CLSTN1: variants seen among roughly 807,000 people sequenced by gnomAD.
The protein encoded by CLSTN1 is calsyntenin-1.
Under a neutral mutation model 108.3 loss-of-function variants are expected in CLSTN1, and 28 were observed. The observed-to-expected ratio is 0.26, with a 90% confidence interval of 0.19 to 0.35. The LOEUF is 0.35. CLSTN1 is among the 10% of genes least tolerant of loss of function. The probability of loss-of-function intolerance (pLI) is 1.00; values close to 1 mark genes in which losing one functional copy is unlikely to be tolerated. For synonymous variants in CLSTN1, 524 were observed against 534.9 expected, an observed-to-expected ratio of 0.98 and a Z score of 0.28; for missense variants, 1,157 against 1,302.6, an observed-to-expected ratio of 0.89 and a Z score of 1.72.
chr1:9,734,855 A>G lies in CLSTN1; in HGVS notation c.2110+93T>C. Reference sequence around the variant, plus strand: ...CCAACGAAAGATTAAAACCTCCCCAAATCCCACAGAGACAAAGAGCCCCGC... The same window carrying G: ...CCAACGAAAGATTAAAACCTCCCCAGATCCCACAGAGACAAAGAGCCCCGC... On this transcript the variant is annotated intron_variant, in intron 14 of 18. Coordinates refer to ENST00000377298, the MANE Select transcript of CLSTN1 (RefSeq NM_001009566.3). This position sits in a 1 kb window ranked among gnomAD's most constrained non-coding sequence, Gnocchi z 4.8. 9.2e-7 allele frequency: 1 copy of G among 1,092,876 alleles called. No individual in the cohort carries two copies. The highest frequency in any genetic ancestry group is 1.4e-6 in the Non-Finnish European group (1 of 729,904). The allele number at this position is 1,092,876 out of a possible 1,614,324, so 67.7% of individuals were successfully genotyped here. A position where few individuals can be genotyped will look rare whatever the true frequency, so the allele number is the denominator to read the frequency against.
intron 1 of CLSTN1, among the ~76,000 whole-genome samples, chr1:9,800,617 C>CT (rs1654221360): frequency 6.7e-6 from 1 of 149,740 alleles, no homozygotes. Flanking sequence ...GTAGTCCCAG[C>CT]TACTCAGGAG....
intron 11 of CLSTN1, among the ~76,000 whole-genome samples, chr1:9,736,894 G>A (rs1474525242): frequency 1.7e-4 from 26 of 152,176 alleles, no homozygotes; most frequent in African/African-American, 6.3e-4. Flanking sequence ...CGAACATGGC[G>A]AAACCCCGTC....
At chr1:9,820,290 C>G (rs191626639) in intron 1 of CLSTN1, among the ~76,000 whole-genome samples, 5 of 152,230 alleles carry the variant, frequency 3.3e-5, no homozygotes, top group Non-Finnish European at 5.9e-5. Context: ...GAGGCAGAGG[C>G]AGGCGGATCA....
At chr1:9,816,782 G>A (rs868084648) in intron 1 of CLSTN1, among the ~76,000 whole-genome samples, 17 of 152,300 alleles carry the variant, frequency 1.1e-4, no homozygotes, top group African/African-American at 4.1e-4. Flanking sequence ...AAGTAGCTGG[G>A]ATTACAGGCA....
chr1:9,801,731 T>G (rs1296024306), intron 1 of CLSTN1, among the ~76,000 whole-genome samples: 2 of 152,118 alleles, frequency 1.3e-5, no homozygotes, highest in Non-Finnish European at 2.9e-5. Context: ...ACTTTCTGTG[T>G]TTTTAGTAGA....
Position 9,823,477 on chromosome 1 carries a change from A to AT in CLSTN1, c.91+165_91+166insA, listed in dbSNP as rs1417861134. On this transcript the variant is annotated intron_variant, in intron 1 of 18. Coordinates refer to ENST00000377298, the MANE Select transcript of CLSTN1 (RefSeq NM_001009566.3). This position sits in a 1 kb window ranked among gnomAD's most constrained non-coding sequence, Gnocchi z 6.3. ...CCCCCAACCCGAACCCCACGCCCTG[A>AT]CCCGGCTCCCTGCGCTCGGACCCGA... 2.0e-5 allele frequency among the ~76,000 whole-genome samples: 3 copies of AT among 151,448 alleles called. No homozygotes were observed. The highest frequency in any genetic ancestry group is 4.9e-5 in the African/African-American group (2 of 41,174).
chr1:9,789,191 G>A (rs548316098), intron 1 of CLSTN1, among the ~76,000 whole-genome samples: 7 of 151,478 alleles, frequency 4.6e-5, no homozygotes, highest in African/African-American at 1.7e-4. Flanking sequence ...TGCCCAGAAG[G>A]CGGACTGCTG....
At chr1:9,737,253 C>T (rs1287646825) in intron 11 of CLSTN1, among the ~76,000 whole-genome samples, 1 of 79,860 alleles carries the variant, frequency 1.3e-5, no homozygotes, top group Non-Finnish European at 2.4e-5. Flanking sequence ...CAGGGTCAAA[C>T]TGGATGGGGG....
chr1:9,760,945 G>A (rs1652043665), intron 2 of CLSTN1, among the ~76,000 whole-genome samples: 1 of 151,892 alleles, frequency 6.6e-6, no homozygotes, highest in South Asian at 2.1e-4. Flanking sequence ...CCGTTGCAGG[G>A]AAGGACCTCT....
intron 5 of CLSTN1, chr1:9,750,139 A>T: frequency 2.1e-6 from 1 of 473,206 alleles, no homozygotes. Context: ...TACACAGCTC[A>T]GTCTCCACTT....
At chr1:9,792,508 AG>A (rs576601433) in intron 1 of CLSTN1, among the ~76,000 whole-genome samples, 66 of 151,546 alleles carry the variant, frequency 4.4e-4, no homozygotes, top group Non-Finnish European at 7.1e-4. Context: ...TTAGGAAATA[AG>A]GGGTCTCCCT....
At chr1:9,748,808 G>C (rs988158957) in intron 7 of CLSTN1, among the ~76,000 whole-genome samples, 2 of 151,902 alleles carry the variant, frequency 1.3e-5, no homozygotes, top group Non-Finnish European at 1.5e-5. Flanking sequence ...CAATTCGTAA[G>C]TAAACATCTC....
At position 9,744,467 on chromosome 1, in the gene CLSTN1, T is replaced by C. The variant is rs77609933; in HGVS notation, c.1162A>G (p.Ile388Val). ...GGCCCATGTCTCATCCACACCGAGATGGTGAACGGCTCTTTGGGGCTGACC... is the reference window on the plus strand; with the variant it reads ...GGCCCATGTCTCATCCACACCGAGACGGTGAACGGCTCTTTGGGGCTGACC... ...VSVSPKEPFT[I>V]SVWMRHGPFG... The change falls in exon 8 of 19, where the codon ATC (isoleucine) becomes GTC (valine). Residue 388 changes from isoleucine to valine, a missense_variant. Transcript: ENST00000377298. 492 of 1,610,666 alleles carry C rather than the reference T, an allele frequency of 3.1e-4. No individual in the cohort carries two copies. In the African/African-American group the frequency reaches 5.1e-3, roughly 17 times the overall value.
chr1:9,740,135 A>C (rs1650902205), intron 10 of CLSTN1, among the ~76,000 whole-genome samples: 3 of 147,032 alleles, frequency 2.0e-5, no homozygotes, highest in Admixed American at 2.0e-4. Flanking sequence ...TTCTTGGCTC[A>C]TGCAGCCTCT....
rs771364918 is a variant in CLSTN1, at chr1:9,749,471, G to A, written c.975C>T (p.His325=). Residue 325 remains histidine, a synonymous_variant, in exon 7 of 19, where the codon CAC becomes CAT. Transcript: ENST00000377298. ...DRDTYSEKSL[H]RLCGAAAGTA... ...GCCTGGTCTCCTTACCACAGAGCCG[G>A]TGGAGGGACTTCTCTGAGTAGGTGT... 1 of 1,611,390 alleles carries A rather than the reference G, an allele frequency of 6.2e-7. No individual in the cohort carries two copies. Among genetic ancestry groups the A allele is most frequent in the Non-Finnish European group, 8.5e-7 (1 of 1,179,298 alleles).
intron 1 of CLSTN1, among the ~76,000 whole-genome samples, chr1:9,817,889 G>A (rs1655036382): frequency 6.6e-6 from 1 of 152,024 alleles, no homozygotes; most frequent in Non-Finnish European, 1.5e-5. Context: ...TTAGGGAAAA[G>A]ACGGGTATTG....
intron 1 of CLSTN1, among the ~76,000 whole-genome samples, chr1:9,793,201 C>T (rs1371387829): frequency 3.3e-5 from 5 of 151,194 alleles, no homozygotes; most frequent in African/African-American, 1.2e-4. Flanking sequence ...TTAGTAGAGA[C>T]GGGGTTTCAC....
intron 2 of CLSTN1, among the ~76,000 whole-genome samples, chr1:9,771,382 A>C (rs1652665897): frequency 6.6e-6 from 1 of 152,096 alleles, no homozygotes; most frequent in Non-Finnish European, 1.5e-5. Context: ...TTGGGAGGCC[A>C]AGGCGGGTGG....
chr1:9,779,207 T>C (rs988136833), intron 1 of CLSTN1, among the ~76,000 whole-genome samples: 20 of 152,260 alleles, frequency 1.3e-4, no homozygotes, highest in African/African-American at 3.6e-4. Flanking sequence ...AGAGAATAAC[T>C]TGACTTTGCA....
Sources: gnomAD v4.1 joint callset for allele counts (sites outside exome capture counted in the v4.1 genomes callset) on GRCh38, gnomAD v4.1.1 for gene constraint, Gnocchi (gnomAD v3.1) non-coding constraint, MANE v1.5 for transcripts, NCBI Gene and HGNC (gene_info 2026-07-23, HGNC 2026-07-21) for gene names.